Variants in NCAM2 observed in about 807,000 individuals in gnomAD.
The protein encoded by NCAM2 is neural cell adhesion molecule 2.
A neutral mutation model predicts 98.1 loss-of-function variants in NCAM2; 30 were observed. That is an observed-to-expected ratio of 0.31 (90% CI 0.23 to 0.41). The LOEUF is 0.41. Among genes scored for constraint, NCAM2 ranks in the 10% least tolerant of loss-of-function variants. The probability of loss-of-function intolerance (pLI) is 1.00; values close to 1 mark genes in which losing one functional copy is unlikely to be tolerated. For synonymous variants in NCAM2, 368 were observed against 342.4 expected (o/e 1.07, Z -0.83); for missense variants, 867 against 1,005.8 (o/e 0.86, Z 1.87).
chr21:21,071,016 T>TA (rs961754398), intron 1 of NCAM2, among the ~76,000 whole-genome samples: 1 of 152,184 alleles, frequency 6.6e-6, no homozygotes, highest in African/African-American at 2.4e-5. Flanking sequence ...AGTACGTTTC[T>TA]AAACTTAGTG....
intron 1 of NCAM2, among the ~76,000 whole-genome samples, chr21:21,090,918 C>G (rs1373397597): frequency 1.3e-5 from 2 of 152,146 alleles, no homozygotes; most frequent in African/African-American, 4.8e-5. Context: ...ATCAATAGAC[C>G]ACAACCCCAC....
At chr21:21,373,783 T>C in intron 8 of NCAM2, 80 bp from the exon 9 acceptor site, 1 of 1,165,002 alleles carries the variant, frequency 8.6e-7, no homozygotes, top group Non-Finnish European at 1.2e-6. Context: ...ACATGGGAAG[T>C]AACATAATGT....
chr21:21,011,155 T>G (rs983961847), intron 1 of NCAM2, among the ~76,000 whole-genome samples: 2 of 32,004 alleles, frequency 6.2e-5, no homozygotes, highest in African/African-American at 2.2e-4. Flanking sequence ...CTCTGCAGGG[T>G]TTTTTTTTCT....
At chr21:21,241,596 G>A (rs1340506509) in intron 1 of NCAM2, among the ~76,000 whole-genome samples, 1 of 152,066 alleles carries the variant, frequency 6.6e-6, no homozygotes, top group African/African-American at 2.4e-5. Context: ...GGTGAAGAGG[G>A]GTCTAATGGC....
intron 1 of NCAM2, among the ~76,000 whole-genome samples, chr21:21,081,096 G>A (rs545463421): frequency 9.9e-5 from 15 of 152,254 alleles, no homozygotes; most frequent in Admixed American, 7.2e-4. Context: ...GGCTGTCCAC[G>A]TGCACAGTGG....
At chr21:21,206,449 T>G (rs1568767763) in intron 1 of NCAM2, among the ~76,000 whole-genome samples, 1 of 152,168 alleles carries the variant, frequency 6.6e-6, no homozygotes, top group Non-Finnish European at 1.5e-5. Context: ...AAACTAATTA[T>G]AATCCATGAT....
At chr21:21,448,573 A>G (rs1247360732) in intron 12 of NCAM2, among the ~76,000 whole-genome samples, 1 of 152,014 alleles carries the variant, frequency 6.6e-6, no homozygotes, top group Non-Finnish European at 1.5e-5. Flanking sequence ...GCTTTAAACT[A>G]CTATACAGAT....
intron 1 of NCAM2, among the ~76,000 whole-genome samples, chr21:21,209,444 C>A (rs2069563830): frequency 6.6e-6 from 1 of 151,918 alleles, no homozygotes; most frequent in African/African-American, 2.4e-5. Flanking sequence ...GTCTCAAATC[C>A]CTTGACCTCC....
At chr21:21,277,888 A>G (rs2072785148) in intron 1 of NCAM2, among the ~76,000 whole-genome samples, 2 of 151,988 alleles carry the variant, frequency 1.3e-5, no homozygotes, top group African/African-American at 4.8e-5. Context: ...AAATAAAAAA[A>G]TGCATACAAA....
chr21:21,079,826 C>T (rs1446851394), intron 1 of NCAM2, among the ~76,000 whole-genome samples: 1 of 152,210 alleles, frequency 6.6e-6, no homozygotes, highest in Non-Finnish European at 1.5e-5. Context: ...CTGGGCAACA[C>T]TGTGCCTGTC....
chr21:21,465,421 A>AT (rs1483854249), intron 12 of NCAM2, among the ~76,000 whole-genome samples: 1 of 152,008 alleles, frequency 6.6e-6, no homozygotes, highest in Non-Finnish European at 1.5e-5. Flanking sequence ...TCTCTATAGA[A>AT]AACAAACAAA....
At chr21:21,250,052 A>G (rs1203560400) in intron 1 of NCAM2, among the ~76,000 whole-genome samples, 1 of 152,162 alleles carries the variant, frequency 6.6e-6, no homozygotes, top group Non-Finnish European at 1.5e-5. Flanking sequence ...GTTCGGATAG[A>G]CTAATCTGTG....
chr21:21,531,664 A>G (rs951229530), intron 16 of NCAM2, among the ~76,000 whole-genome samples: 1 of 152,028 alleles, frequency 6.6e-6, no homozygotes. Context: ...TCCACATTAC[A>G]TTTTGTGACT....
intron 1 of NCAM2, among the ~76,000 whole-genome samples, chr21:21,225,846 A>T (rs2070360268): frequency 6.6e-6 from 1 of 152,088 alleles, no homozygotes; most frequent in Non-Finnish European, 1.5e-5. Context: ...TAATATCTAA[A>T]TTATTCTACC....
In NCAM2 at chr21:21,286,315, A is replaced by C; in HGVS notation, c.384A>C (p.Gln128His). The C allele has an allele frequency of 6.2e-7, 1 of 1,612,092 alleles. No individual in the cohort carries two copies. Among genetic ancestry groups the C allele is most frequent in the Non-Finnish European group, 8.5e-7 (1 of 1,178,934 alleles). Residue 128 changes from glutamine to histidine, a missense_variant, in exon 4 of 18, where the codon CAA becomes CAC. Transcript: ENST00000400546. ...TGGTATCTCCACAAGAATTCAAACA[A>C]GGAGAAGATGCAGAAGTGGTTTGCC... is the stretch of plus-strand genomic sequence containing the variant. ...REVVSPQEFK[Q>H]GEDAEVVCRV...
intron 12 of NCAM2, among the ~76,000 whole-genome samples, chr21:21,444,936 T>A (rs1979877713): frequency 6.6e-6 from 1 of 152,158 alleles, no homozygotes; most frequent in Admixed American, 6.6e-5. Flanking sequence ...GGGTGTCGAT[T>A]TGAGATCTTT....
chr21:21,222,546 A>G (rs975673183), intron 1 of NCAM2, among the ~76,000 whole-genome samples: 1 of 152,184 alleles, frequency 6.6e-6, no homozygotes, highest in African/African-American at 2.4e-5. Context: ...ATTATCAGTC[A>G]GAATGTAACT....
At chr21:21,370,280 G>A (rs1446498688) in intron 8 of NCAM2, among the ~76,000 whole-genome samples, 1 of 151,700 alleles carries the variant, frequency 6.6e-6, no homozygotes, top group Admixed American at 6.6e-5. Context: ...GAGACCAAGG[G>A]CTTTGCTTTC....
chr21:21,065,694 A>G (rs1332660992), intron 1 of NCAM2, among the ~76,000 whole-genome samples: 1 of 152,184 alleles, frequency 6.6e-6, no homozygotes, highest in African/African-American at 2.4e-5. Context: ...TTCATTGTTT[A>G]AAATTCGTTG....
Sources: allele counts gnomAD v4.1 joint callset (sites outside exome capture counted in the v4.1 genomes callset), GRCh38; gene constraint gnomAD v4.1.1; transcripts MANE v1.5; gene names NCBI Gene and HGNC (gene_info 2026-07-23, HGNC 2026-07-21).